The following SLC36A1 variants were observed in gnomAD, a reference collection of about 807,000 sequenced individuals.
SLC36A1 encodes proton-coupled amino acid transporter 1.
Under a neutral mutation model 47.5 loss-of-function variants are expected in SLC36A1, and 30 were observed. The observed-to-expected ratio is 0.63, with a 90% CI of 0.47 to 0.86. The LOEUF (loss-of-function observed/expected upper bound fraction) is 0.86. Ranked by LOEUF, SLC36A1 falls within the 40% of genes least tolerant of loss-of-function variation. The pLI is 0.00. For missense variants in SLC36A1, 517 were observed against 606.0 expected (o/e 0.85, Z 1.54); for synonymous variants, 255 against 249.7 (o/e 1.02, Z -0.20).
At chr5:151,474,178 A>AAAG (rs776318482) in intron 8 of SLC36A1, among the ~76,000 whole-genome samples, 1 of 119,008 alleles carries the variant, frequency 8.4e-6, no homozygotes. Context: ...AAAAAAAAAA[A>AAAG]AGAAATTATC....
chr5:151,401,091 T>C, the SLC36A1 span, among the ~76,000 whole-genome samples: 1 of 152,158 alleles, frequency 6.6e-6, no homozygotes, highest in Non-Finnish European at 1.5e-5. Context: ...AAATTCTTTG[T>C]CAAGGCCAAT....
chr5:151,518,672 A>G, the SLC36A1 span, among the ~76,000 whole-genome samples: 3 of 152,210 alleles, frequency 2.0e-5, no homozygotes, highest in East Asian at 1.9e-4. Context: ...AAACTTTTGT[A>G]AAGTCTGGCA....
chr5:151,366,504 G>A, the SLC36A1 span: 1 of 305,438 alleles, frequency 3.3e-6, no homozygotes, highest in Non-Finnish European at 6.6e-6. Flanking sequence ...TGCTGATCAG[G>A]GCGTCCTTGG....
At chr5:151,521,805 G>A in the SLC36A1 span, 3 of 1,614,184 alleles carry the variant, frequency 1.9e-6, no homozygotes, top group East Asian at 2.2e-5. Flanking sequence ...ACGAGTAGTG[G>A]CCACGAGGCA....
the SLC36A1 span, chr5:151,527,458 C>T: frequency 7.3e-7 from 1 of 1,363,890 alleles, no homozygotes; most frequent in East Asian, 2.5e-5. Context: ...CTAATATTTT[C>T]AAAAAAAATA....
the SLC36A1 span, among the ~76,000 whole-genome samples, chr5:151,362,210 C>T: frequency 2.0e-5 from 3 of 152,058 alleles, no homozygotes; most frequent in Non-Finnish European, 4.4e-5. Context: ...TAGATTTGGT[C>T]TTTTGAGATA....
At chr5:151,554,446 A>G in the SLC36A1 span, 7 of 1,614,076 alleles carry the variant, frequency 4.3e-6, 1 homozygote, top group South Asian at 6.6e-5. Flanking sequence ...AGGCCTCCTC[A>G]TCGCTGTCCT....
chr5:151,383,824 C>T, the SLC36A1 span, among the ~76,000 whole-genome samples: 5 of 152,114 alleles, frequency 3.3e-5, no homozygotes, highest in African/African-American at 4.8e-5. Flanking sequence ...CTGCCCGCCT[C>T]GGCCTCCCAA....
the SLC36A1 span, chr5:151,381,095 AC>A: frequency 4.1e-6 from 2 of 491,542 alleles, no homozygotes; most frequent in Non-Finnish European, 7.6e-6. Context: ...CGACCATGTC[AC>A]CACCTCTGCC....
At chr5:151,553,978 T>C in the SLC36A1 span, among the ~76,000 whole-genome samples, 2 of 152,212 alleles carry the variant, frequency 1.3e-5, no homozygotes, top group African/African-American at 4.8e-5. Context: ...ATATATTGGC[T>C]TCTCACAAGA....
At chr5:151,382,717 G>C in the SLC36A1 span, among the ~76,000 whole-genome samples, 1 of 152,152 alleles carries the variant, frequency 6.6e-6, no homozygotes, top group Non-Finnish European at 1.5e-5. Flanking sequence ...AGAAAACCTA[G>C]GTTGCTTTAA....
the SLC36A1 span, chr5:151,542,433 A>G: frequency 6.2e-7 from 1 of 1,614,072 alleles, no homozygotes; most frequent in Non-Finnish European, 8.5e-7. Flanking sequence ...TGTCATTCTC[A>G]TCTGTAATGG....
chr5:151,347,737 A>G, the SLC36A1 span: 1 of 479,170 alleles, frequency 2.1e-6, no homozygotes, highest in Non-Finnish European at 3.8e-6. Context: ...AATAATAATC[A>G]TAATGATAAC....
chr5:151,421,001 G>T, the SLC36A1 span, among the ~76,000 whole-genome samples: 1 of 151,504 alleles, frequency 6.6e-6, no homozygotes, highest in Non-Finnish European at 1.5e-5. Context: ...CTCCCAAGTA[G>T]CTGGGACTAC....
the SLC36A1 span, chr5:151,510,472 C>T: frequency 4.1e-5 from 10 of 243,166 alleles, no homozygotes; most frequent in Non-Finnish European, 8.2e-5. Context: ...AAGGATCTTC[C>T]TGTGTTGGCT....
At chr5:151,451,832 T>C (rs1753705238) in intron 1 of SLC36A1, among the ~76,000 whole-genome samples, 1 of 152,150 alleles carries the variant, frequency 6.6e-6, no homozygotes, top group South Asian at 2.1e-4. Context: ...CCCCAGGCTC[T>C]GGGGCCAGCT....
At chr5:151,553,912 G>A in the SLC36A1 span, among the ~76,000 whole-genome samples, 4 of 152,226 alleles carry the variant, frequency 2.6e-5, no homozygotes, top group Non-Finnish European at 5.9e-5. Context: ...GGCTAGCAAT[G>A]AGACTGGGGT....
At chr5:151,517,603 G>A in the SLC36A1 span, 1 of 1,613,590 alleles carries the variant, frequency 6.2e-7, no homozygotes, top group Non-Finnish European at 8.5e-7. Flanking sequence ...AAATCTCTCA[G>A]GCTGGCAGTG....
the SLC36A1 span, among the ~76,000 whole-genome samples, chr5:151,351,346 C>T: frequency 3.3e-5 from 5 of 151,380 alleles, no homozygotes; most frequent in East Asian, 1.9e-4. Context: ...CGCACCACTG[C>T]GCTCCAGCCT....
Sources: gnomAD v4.1 joint callset for allele counts (sites outside exome capture counted in the v4.1 genomes callset) on GRCh38, gnomAD v4.1.1 for gene constraint, MANE v1.5 for transcripts, NCBI Gene and HGNC (gene_info 2026-07-23, HGNC 2026-07-21) for gene names.